GRM7: variants seen among roughly 807,000 people sequenced by gnomAD.
The protein encoded by GRM7 is glutamate metabotropic receptor 7, also known as metabotropic glutamate receptor 7.
GRM7 carries 35 observed loss-of-function variants against 84.5 expected under a neutral mutation model. The observed-to-expected ratio is 0.41, with a 90% CI of 0.32 to 0.55. GRM7 has a LOEUF of 0.55. Among genes scored for constraint, GRM7 ranks in the 20% least tolerant of loss-of-function variants. The pLI, the probability that GRM7 is intolerant of heterozygous loss-of-function variation, is 0.19. For synonymous variants in GRM7, 487 were observed against 455.1 expected, an observed-to-expected ratio of 1.07 and a Z score of -0.89; for missense variants, 1,003 against 1,194.6, an observed-to-expected ratio of 0.84 and a Z score of 2.36.
At chr3:7,647,828 G>A (rs1375397191) in intron 8 of GRM7, among the ~76,000 whole-genome samples, 3 of 25,892 alleles carry the variant, frequency 1.2e-4, no homozygotes, top group South Asian at 1.8e-3. Context: ...CTTTTTAAAG[G>A]AGGGGGTAGA....
chr3:7,562,741 A>G (rs916708735), intron 7 of GRM7, among the ~76,000 whole-genome samples: 1 of 152,152 alleles, frequency 6.6e-6, no homozygotes, highest in Non-Finnish European at 1.5e-5. Flanking sequence ...TGGATTAGAA[A>G]GCACTAGATT....
At chr3:7,560,649 G>A (rs1575494028) in intron 7 of GRM7, among the ~76,000 whole-genome samples, 1 of 152,052 alleles carries the variant, frequency 6.6e-6, no homozygotes, top group Non-Finnish European at 1.5e-5. Context: ...AGTTTGAGAA[G>A]CACTGTTCTA....
Position 6,927,170 on chromosome 3 carries a change from G to A in GRM7, c.519+65263G>A, listed in dbSNP as rs144731707. 1.2e-3 allele frequency among the ~76,000 whole-genome samples: 186 copies of A among 152,228 alleles called. 1 individual carries two copies. Among genetic ancestry groups the A allele is most frequent in the African/African-American group, 4.3e-3 (179 of 41,544 alleles). ...AAGCTGGGCATGGTGGCTCATTCCT[G>A]TAATCCCAGCACTTTGGGAGGCTGA... On this transcript the variant is annotated intron_variant, in intron 1 of 9. Coordinates refer to ENST00000357716, the MANE Select transcript of GRM7 (RefSeq NM_000844.4).
At chr3:7,358,740 T>A (rs1693520523) in intron 4 of GRM7, among the ~76,000 whole-genome samples, 3 of 151,910 alleles carry the variant, frequency 2.0e-5, no homozygotes, top group Admixed American at 2.0e-4. Context: ...ATACATATTA[T>A]TTTTTATAGG....
intron 1 of GRM7, among the ~76,000 whole-genome samples, chr3:6,899,352 T>C (rs372440391): frequency 1.1e-4 from 16 of 152,174 alleles, no homozygotes; most frequent in East Asian, 3.8e-4. Context: ...GCATGTAAAA[T>C]ATCTGACAAA....
chr3:7,649,585 A>G (rs1698832378), intron 8 of GRM7, among the ~76,000 whole-genome samples: 1 of 152,150 alleles, frequency 6.6e-6, no homozygotes. Context: ...ACTGGTATAT[A>G]TGACAGTGTC....
At chr3:7,412,243 G>A (rs369011873) in intron 4 of GRM7, among the ~76,000 whole-genome samples, 2 of 152,088 alleles carry the variant, frequency 1.3e-5, no homozygotes, top group African/African-American at 2.4e-5. Context: ...CTGGCACCTC[G>A]GCCAACAGAG....
intron 2 of GRM7, among the ~76,000 whole-genome samples, chr3:7,227,666 G>A (rs1331118494): frequency 1.3e-5 from 2 of 152,108 alleles, no homozygotes; most frequent in African/African-American, 2.4e-5. Context: ...GTCAACAAAT[G>A]GAAGGTTTCT....
chr3:7,055,515 A>ATATATACATACATATGTATGTATGTATG (rs1292903084), intron 1 of GRM7, among the ~76,000 whole-genome samples: 30 of 149,096 alleles, frequency 2.0e-4, no homozygotes, highest in African/African-American at 7.3e-4. Context: ...GTATGTATAT[A>ATATATACATACATATGTATGTATGTATG]TATATATACA....
chr3:7,264,572 C>T (rs938739261), intron 2 of GRM7, among the ~76,000 whole-genome samples: 1 of 152,202 alleles, frequency 6.6e-6, no homozygotes, highest in African/African-American at 2.4e-5. Flanking sequence ...CAGCTTCTTC[C>T]CCTTCAGCCC....
At chr3:7,313,092 C>T (rs1374500684) in intron 4 of GRM7, among the ~76,000 whole-genome samples, 1 of 152,038 alleles carries the variant, frequency 6.6e-6, no homozygotes, top group Admixed American at 6.6e-5. Context: ...CCACGCCCAA[C>T]TAGTTTTTGT....
At chr3:6,873,436 C>T (rs1433177435) in intron 1 of GRM7, among the ~76,000 whole-genome samples, 1 of 152,102 alleles carries the variant, frequency 6.6e-6, no homozygotes, top group Non-Finnish European at 1.5e-5. Context: ...AGGTGCTGAA[C>T]ATAGTTCAGA....
intron 1 of GRM7, among the ~76,000 whole-genome samples, chr3:7,113,203 T>C (rs560847985): frequency 1.4e-4 from 21 of 152,258 alleles, no homozygotes; most frequent in African/African-American, 4.8e-4. Context: ...TTAAAAAATA[T>C]GTACGAAACA....
chr3:7,028,814 A>G (rs1354731984), intron 1 of GRM7, among the ~76,000 whole-genome samples: 2 of 152,356 alleles, frequency 1.3e-5, no homozygotes, highest in Non-Finnish European at 2.9e-5. Flanking sequence ...AAGTGTTTAC[A>G]TTGATACAAA....
intron 8 of GRM7, among the ~76,000 whole-genome samples, chr3:7,582,509 G>A (rs1034435468): frequency 6.6e-6 from 1 of 152,100 alleles, no homozygotes; most frequent in African/African-American, 2.4e-5. Context: ...TGTTTCTTTA[G>A]ATAGGAGGAC....
intron 8 of GRM7, among the ~76,000 whole-genome samples, chr3:7,583,894 A>G (rs1282714067): frequency 6.6e-6 from 1 of 152,216 alleles, no homozygotes; most frequent in African/African-American, 2.4e-5. Context: ...ATGCAGAGAT[A>G]AAACAGTGTT....
chr3:6,898,546 C>G (rs1696272002), intron 1 of GRM7, among the ~76,000 whole-genome samples: 1 of 152,066 alleles, frequency 6.6e-6, no homozygotes. Context: ...CCTCCTTTAA[C>G]CTCAATTTCC....
intron 1 of GRM7, among the ~76,000 whole-genome samples, chr3:7,132,717 A>G (rs1311731750): frequency 6.6e-6 from 1 of 152,228 alleles, no homozygotes; most frequent in Non-Finnish European, 1.5e-5. Context: ...CACCTTCTGA[A>G]ACATCTACAT....
At chr3:7,399,381 C>T (rs941854786) in intron 4 of GRM7, among the ~76,000 whole-genome samples, 1 of 152,090 alleles carries the variant, frequency 6.6e-6, no homozygotes, top group African/African-American at 2.4e-5. Context: ...TAGTCAACTG[C>T]TGCTATAATT....
Sources: allele counts gnomAD v4.1 joint callset (sites outside exome capture counted in the v4.1 genomes callset), GRCh38; gene constraint gnomAD v4.1.1; transcripts MANE v1.5; gene names NCBI Gene and HGNC (gene_info 2026-07-23, HGNC 2026-07-21).